The following UNC13C variants were observed in gnomAD, a reference collection of about 807,000 sequenced individuals.
UNC13C encodes the protein unc-13 homolog C, also known as protein unc-13 homolog C.
Under a neutral mutation model 245.4 loss-of-function variants are expected in UNC13C, and 174 were observed. The observed-to-expected ratio is 0.71, with a 90% CI of 0.63 to 0.80. The LOEUF (loss-of-function observed/expected upper bound fraction) is 0.80. Among genes scored for constraint, UNC13C ranks in the 30% least tolerant of loss-of-function variants. UNC13C has a pLI of 0.00. For synonymous variants in UNC13C, 992 were observed against 895.1 expected (o/e 1.11, Z -1.93); for missense variants, 2,829 against 2,602.9 (o/e 1.09, Z -1.89).
intron 30 of UNC13C, among the ~76,000 whole-genome samples, chr15:54,578,241 T>C (rs1259792725): frequency 6.6e-6 from 1 of 152,236 alleles, no homozygotes; most frequent in Non-Finnish European, 1.5e-5. Flanking sequence ...TCACTTTTAA[T>C]GTACTGGCAG....
intron 18 of UNC13C, among the ~76,000 whole-genome samples, chr15:54,405,689 T>A (rs1353480176): frequency 1.3e-5 from 2 of 152,150 alleles, no homozygotes; most frequent in African/African-American, 4.8e-5. Context: ...TGATAAAATC[T>A]ATGTTGTCTG....
chr15:54,389,413 T>G (rs2039906475), intron 17 of UNC13C, among the ~76,000 whole-genome samples: 1 of 152,238 alleles, frequency 6.6e-6, no homozygotes, highest in South Asian at 2.1e-4. Flanking sequence ...GCAACCTGTC[T>G]GTGTTTGTGA....
At chr15:54,358,797 C>G (rs1274766060) in intron 17 of UNC13C, among the ~76,000 whole-genome samples, 1 of 151,982 alleles carries the variant, frequency 6.6e-6, no homozygotes, top group Non-Finnish European at 1.5e-5. Flanking sequence ...AATTTGGATG[C>G]CCTTTATCTC....
intron 30 of UNC13C, among the ~76,000 whole-genome samples, chr15:54,612,090 G>C (rs539287552): frequency 1.9e-4 from 29 of 152,012 alleles, no homozygotes; most frequent in Admixed American, 2.6e-4. Flanking sequence ...ATTTTGAATA[G>C]TTTCATAATT....
At chr15:54,571,231 C>T (rs1309741439) in intron 30 of UNC13C, among the ~76,000 whole-genome samples, 2 of 152,216 alleles carry the variant, frequency 1.3e-5, no homozygotes, top group South Asian at 2.1e-4. Flanking sequence ...CACAGTTCAG[C>T]ATGGCTGTGG....
rs568036990 is a variant in UNC13C, at chr15:54,086,526, A to G, written c.2984-56492A>G. ...GGCTTAGAAAGTAGGCAGGTTTGAT[A>G]CTCCTTTAACAAAGGAAGAACATAA... On this transcript the variant is annotated intron_variant, in intron 2 of 32. Transcript: ENST00000260323. Among the ~76,000 whole-genome samples, 20 of 152,000 alleles carry G rather than the reference A, an allele frequency of 1.3e-4. No individual in the cohort carries two copies. In the South Asian group the frequency reaches 4.0e-3, roughly 30 times the overall value.
chr15:53,971,610 G>A, the UNC13C span, among the ~76,000 whole-genome samples: 2 of 152,138 alleles, frequency 1.3e-5, no homozygotes, highest in African/African-American at 4.8e-5. Context: ...TGGAATTTCA[G>A]TGTTATAAGA....
At chr15:54,047,647 A>T (rs116483428) in intron 2 of UNC13C, among the ~76,000 whole-genome samples, 152 of 152,226 alleles carry the variant, frequency 1.0e-3, no homozygotes, top group African/African-American at 3.6e-3. Flanking sequence ...TTATCCATTC[A>T]CGATAGATAT....
At chr15:54,063,261 A>T (rs1314770995) in intron 2 of UNC13C, among the ~76,000 whole-genome samples, 1 of 152,144 alleles carries the variant, frequency 6.6e-6, no homozygotes, top group Non-Finnish European at 1.5e-5. Flanking sequence ...GCTTTAAGTA[A>T]ATGAGAGTTT....
At chr15:54,075,582 G>A (rs1248255129) in intron 2 of UNC13C, among the ~76,000 whole-genome samples, 2 of 142,864 alleles carry the variant, frequency 1.4e-5, no homozygotes, top group Middle Eastern at 3.7e-3. Flanking sequence ...AAAAAAAGGA[G>A]TGTCCAAAAC....
chr15:54,320,930 G>T, intron 13 of UNC13C: 1 of 351,110 alleles, frequency 2.8e-6, no homozygotes, highest in South Asian at 2.4e-5. Context: ...TTCCGAAACT[G>T]CTTCCATTAT....
intron 2 of UNC13C, among the ~76,000 whole-genome samples, chr15:54,033,268 T>A (rs1896439260): frequency 6.6e-6 from 1 of 152,306 alleles, no homozygotes; most frequent in East Asian, 1.9e-4. Flanking sequence ...TACTTCTATT[T>A]ACCAATATTC....
intron 32 of UNC13C, among the ~76,000 whole-genome samples, chr15:54,626,244 C>G (rs952326794): frequency 6.6e-6 from 1 of 152,108 alleles, no homozygotes; most frequent in Non-Finnish European, 1.5e-5. Context: ...ACAGGTCTAA[C>G]TGTTACCATA....
chr15:54,077,969 C>T (rs1264518279), intron 2 of UNC13C, among the ~76,000 whole-genome samples: 1 of 152,132 alleles, frequency 6.6e-6, no homozygotes, highest in East Asian at 1.9e-4. Context: ...ATCTCTTCTT[C>T]CCTCCCAGCC....
intron 22 of UNC13C, among the ~76,000 whole-genome samples, chr15:54,501,190 G>T (rs1322408023): frequency 6.6e-6 from 1 of 151,954 alleles, no homozygotes; most frequent in Non-Finnish European, 1.5e-5. Context: ...CCTATTTATT[G>T]TTCACTTCGA....
intron 10 of UNC13C, among the ~76,000 whole-genome samples, chr15:54,275,008 A>G (rs1231860971): frequency 1.3e-5 from 2 of 152,128 alleles, no homozygotes; most frequent in Non-Finnish European, 2.9e-5. Flanking sequence ...GATAAATCCT[A>G]TAAAGGGGGT....
chr15:54,603,330 T>G (rs1240553909), intron 30 of UNC13C, among the ~76,000 whole-genome samples: 1 of 152,206 alleles, frequency 6.6e-6, no homozygotes, highest in African/African-American at 2.4e-5. Context: ...GATTCCTCAA[T>G]TATTGATGAG....
chr15:54,521,935 A>T (rs1241839972), intron 24 of UNC13C, among the ~76,000 whole-genome samples: 1 of 152,180 alleles, frequency 6.6e-6, no homozygotes, highest in Non-Finnish European at 1.5e-5. Context: ...GATACCCAGG[A>T]TAGAAAAGTA....
At chr15:54,073,958 C>G (rs975027837) in intron 2 of UNC13C, among the ~76,000 whole-genome samples, 1 of 152,184 alleles carries the variant, frequency 6.6e-6, no homozygotes, top group Non-Finnish European at 1.5e-5. Flanking sequence ...TTGCCCATGC[C>G]TATGTCCAGA....
Sources: gnomAD v4.1 joint callset for allele counts (sites outside exome capture counted in the v4.1 genomes callset) on GRCh38, gnomAD v4.1.1 for gene constraint, MANE v1.5 for transcripts, NCBI Gene and HGNC (gene_info 2026-07-23, HGNC 2026-07-21) for gene names.